Variants in CDH13 observed in about 807,000 individuals in gnomAD.
CDH13 encodes cadherin-13.
In CDH13, 24 loss-of-function variants were observed where a neutral mutation model predicts 63.8. The observed-to-expected ratio is 0.38, with a 90% CI of 0.27 to 0.53. The LOEUF is 0.53. CDH13 is among the 20% of genes least tolerant of loss of function. The pLI, the probability that CDH13 is intolerant of heterozygous loss-of-function variation, is 0.85. For synonymous variants in CDH13, 503 were observed against 355.3 expected (o/e 1.42, Z -4.67); for missense variants, 1,049 against 903.1 (o/e 1.16, Z -2.07).
intron 10 of CDH13, among the ~76,000 whole-genome samples, chr16:83,693,520 T>A (rs1905093049): frequency 1.3e-5 from 2 of 152,202 alleles, no homozygotes; most frequent in South Asian, 4.1e-4. Context: ...TTAAATCTCA[T>A]GATAACAGTC....
rs565877747 is a variant in CDH13 at position 83,582,545 on chromosome 16, T to G, written c.961-19909T>G. ...GGCTTCCCATGGAGGGATAAATGGATCCTTCCCAGCCCACCCACTGTTCTG... is the reference window on the plus strand; with the variant it reads ...GGCTTCCCATGGAGGGATAAATGGAGCCTTCCCAGCCCACCCACTGTTCTG... On this transcript the variant is annotated intron_variant, in intron 7 of 13. Coordinates refer to ENST00000567109, the MANE Select transcript of CDH13 (RefSeq NM_001257.5). 4.9e-4 allele frequency among the ~76,000 whole-genome samples: 75 copies of G among 152,204 alleles called. 1 individual carries two copies. The highest frequency in any genetic ancestry group is 1.7e-3 in the African/African-American group (72 of 41,508).
At chr16:82,835,185 A>G (rs1347393550) in intron 1 of CDH13, among the ~76,000 whole-genome samples, 1 of 152,236 alleles carries the variant, frequency 6.6e-6, no homozygotes, top group African/African-American at 2.4e-5. Flanking sequence ...TTTAAAATCC[A>G]GTGTGCATTT....
At chr16:83,080,842 G>C (rs1292206853) in intron 3 of CDH13, among the ~76,000 whole-genome samples, 2 of 147,154 alleles carry the variant, frequency 1.4e-5, no homozygotes, top group Non-Finnish European at 3.0e-5. Context: ...AAGGACTCCA[G>C]GCAAGATAGA....
intron 10 of CDH13, among the ~76,000 whole-genome samples, chr16:83,688,863 G>A (rs1312862469): frequency 6.6e-6 from 1 of 152,130 alleles, no homozygotes; most frequent in Non-Finnish European, 1.5e-5. Context: ...TGAAGATGCT[G>A]GGGGAAACAA....
chr16:82,790,148 A>T (rs1022048758), intron 1 of CDH13, among the ~76,000 whole-genome samples: 6 of 152,108 alleles, frequency 3.9e-5, no homozygotes, highest in African/African-American at 1.4e-4. Context: ...CAAAATTTCT[A>T]ATTATAGGCC....
chr16:83,146,595 CTT>C (rs1027299989), intron 4 of CDH13, among the ~76,000 whole-genome samples: 4 of 152,202 alleles, frequency 2.6e-5, no homozygotes, highest in Non-Finnish European at 5.9e-5. Flanking sequence ...TTTCCAGAAA[CTT>C]TGAGCAGTTA....
intron 3 of CDH13, among the ~76,000 whole-genome samples, chr16:83,098,541 G>T (rs1304115125): frequency 6.6e-6 from 1 of 152,166 alleles, no homozygotes; most frequent in African/African-American, 2.4e-5. Flanking sequence ...GGTTCTGCTG[G>T]TGATGAATTC....
chr16:82,895,341 C>G (rs1418564949), intron 2 of CDH13, among the ~76,000 whole-genome samples: 6 of 152,298 alleles, frequency 3.9e-5, no homozygotes, highest in Non-Finnish European at 2.9e-5. Context: ...ACCCTCCCTC[C>G]TTCATCACAC....
At chr16:83,680,689 A>T (rs1915332570) in intron 10 of CDH13, among the ~76,000 whole-genome samples, 1 of 152,168 alleles carries the variant, frequency 6.6e-6, no homozygotes, top group Admixed American at 6.5e-5. Flanking sequence ...TGGAACGCAG[A>T]AAGTTCTGAG....
At chr16:83,762,747 G>C (rs1340447068) in intron 11 of CDH13, among the ~76,000 whole-genome samples, 1 of 152,116 alleles carries the variant, frequency 6.6e-6, no homozygotes, top group African/African-American at 2.4e-5. Context: ...CCTTCTTACT[G>C]GTAACCTAAT....
chr16:83,789,086 A>T (rs1597236519), intron 13 of CDH13, among the ~76,000 whole-genome samples: 1 of 152,224 alleles, frequency 6.6e-6, no homozygotes, highest in East Asian at 1.9e-4. Context: ...CTAGTCCAAG[A>T]CATTCTTCCT....
intron 5 of CDH13, among the ~76,000 whole-genome samples, chr16:83,275,466 T>C (rs1189256778): frequency 2.0e-5 from 3 of 152,180 alleles, no homozygotes; most frequent in Non-Finnish European, 4.4e-5. Flanking sequence ...AGCACTGACA[T>C]TAGTGCTCAT....
At chr16:82,694,410 A>T (rs1446253235) in intron 1 of CDH13, among the ~76,000 whole-genome samples, 1 of 152,214 alleles carries the variant, frequency 6.6e-6, no homozygotes, top group Non-Finnish European at 1.5e-5. Context: ...TTCTGTGTCA[A>T]TGTGATAGAC....
intron 10 of CDH13, among the ~76,000 whole-genome samples, chr16:83,733,409 C>G (rs532934550): frequency 1.3e-5 from 2 of 152,304 alleles, no homozygotes; most frequent in Admixed American, 6.5e-5. Flanking sequence ...AATGCAGTCT[C>G]TATAGACGGT....
intron 1 of CDH13, among the ~76,000 whole-genome samples, chr16:82,760,185 T>G (rs2034777983): frequency 6.6e-6 from 1 of 152,172 alleles, no homozygotes; most frequent in Non-Finnish European, 1.5e-5. Context: ...CATAGGCATA[T>G]CTGTGCCAGT....
chr16:83,065,828 G>A (rs1774845940), intron 3 of CDH13, among the ~76,000 whole-genome samples: 1 of 152,088 alleles, frequency 6.6e-6, no homozygotes. Flanking sequence ...TAGATGGAAG[G>A]GTGCCACAGG....
intron 1 of CDH13, among the ~76,000 whole-genome samples, chr16:82,772,761 T>C (rs1425185045): frequency 2.0e-5 from 3 of 152,202 alleles, no homozygotes; most frequent in Admixed American, 2.0e-4. Flanking sequence ...TTTAGAGAAG[T>C]AAAGTAATAT....
Position 82,845,515 on chromosome 16 carries a change from A to G in CDH13, c.46-12847A>G, listed in dbSNP as rs377052876. Among the ~76,000 whole-genome samples, 36 of 151,658 alleles carry G rather than the reference A, an allele frequency of 2.4e-4. No homozygotes were observed. In the East Asian group the frequency reaches 6.2e-3, roughly 26 times the overall value. ...GCTGCAGCCACCAGCATCATCCTCTATTGGGCTGACCCCTCAGATGACAGA... is the reference window on the plus strand; with the variant it reads ...GCTGCAGCCACCAGCATCATCCTCTGTTGGGCTGACCCCTCAGATGACAGA... On this transcript the variant is annotated intron_variant, in intron 1 of 13. Transcript: ENST00000567109.
chr16:83,122,709 C>G (rs527986283), intron 3 of CDH13, among the ~76,000 whole-genome samples: 17 of 151,918 alleles, frequency 1.1e-4, no homozygotes, highest in Non-Finnish European at 2.5e-4. Flanking sequence ...TTTTTGAAGA[C>G]TCTTAACAAA....
Sources: gnomAD v4.1 joint callset for allele counts (sites outside exome capture counted in the v4.1 genomes callset) on GRCh38, gnomAD v4.1.1 for gene constraint, MANE v1.5 for transcripts, NCBI Gene and HGNC (gene_info 2026-07-23, HGNC 2026-07-21) for gene names.